STS: variants seen among roughly 807,000 people sequenced by gnomAD.
STS encodes the protein steryl-sulfatase.
A neutral mutation model predicts 26.8 loss-of-function variants in STS; 7 were observed. That is an observed-to-expected ratio of 0.26 (90% CI 0.15 to 0.49). The LOEUF is 0.49. Ranked by LOEUF, STS falls within the 20% of genes least tolerant of loss-of-function variation. The pLI is 0.98. For missense variants in STS, 434 were observed against 465.6 expected (o/e 0.93, Z 0.63); for synonymous variants, 199 against 189.4 (o/e 1.05, Z -0.42).
chrX:7,216,928 A>G (rs1246893209), intron 2 of STS, among the ~76,000 whole-genome samples: 2 of 111,459 alleles, frequency 1.8e-5, no homozygotes, highest in African/African-American at 6.5e-5. Flanking sequence ...GATAAAGCAC[A>G]GTAAGGAAGA....
At chrX:7,275,562 CAAAG>C (rs1255409221) in intron 6 of STS, among the ~76,000 whole-genome samples, 1 of 111,068 alleles carries the variant, frequency 9.0e-6, no homozygotes. Context: ...ATTTTTTTCC[CAAAG>C]AAATACTATT....
rs3077768 is a variant in STS at position 7,240,465 on chromosome X, G to GCACA, written c.-4-12714_-4-12711dup. On this transcript the variant is annotated intron_variant, in intron 2 of 10. Transcript: ENST00000674429. ...TGAATCTTCTCCAAGGAGCGCGCGC[G>GCACA]CACACACACACACACACACAGATAT... Among the ~76,000 whole-genome samples, 7 of 85,135 alleles carry GCACA rather than the reference G, an allele frequency of 8.2e-5. No homozygotes were observed. In the South Asian group the frequency reaches 4.9e-3, roughly 59 times the overall value. The allele number at this position is 85,135 out of a possible 115,157, so 73.9% of individuals were successfully genotyped here. A position where few individuals can be genotyped will look rare whatever the true frequency, so the allele number is the denominator to read the frequency against.
intron 10 of STS, among the ~76,000 whole-genome samples, chrX:7,345,072 G>A (rs1928464293): frequency 9.0e-6 from 1 of 111,077 alleles, no homozygotes; most frequent in African/African-American, 3.3e-5. Context: ...GGGCCCTTGG[G>A]ATAAAGACAG....
chrX:7,169,856 A>G (rs1933429162), intron 1 of STS, among the ~76,000 whole-genome samples: 1 of 104,126 alleles, frequency 9.6e-6, no homozygotes, highest in Non-Finnish European at 2.0e-5. Context: ...TAAGTCTAGA[A>G]AAACTCATTA....
chrX:7,292,966 G>A (rs1211666023), intron 7 of STS, among the ~76,000 whole-genome samples: 2 of 111,492 alleles, frequency 1.8e-5, no homozygotes, highest in African/African-American at 3.3e-5. Context: ...GCATGGTACT[G>A]GTACCACACT....
chrX:7,259,895 A>C, intron 6 of STS, 123 bp downstream of exon 6: 1 of 915,612 alleles, frequency 1.1e-6, no homozygotes, highest in African/African-American at 1.9e-5. Flanking sequence ...CGTTTTTTTG[A>C]GACAGAGTCT....
intron 1 of STS, among the ~76,000 whole-genome samples, chrX:7,170,982 GTC>G (rs1933455772): frequency 9.0e-6 from 1 of 111,527 alleles, no homozygotes; most frequent in Admixed American, 9.5e-5. Flanking sequence ...TGGCTGGGCA[GTC>G]TCTGCCCATC....
In STS at chrX:7,187,351, C is replaced by T. The variant is rs1032519663; in HGVS notation, c.-133-3529C>T. On this transcript the variant is annotated intron_variant, in intron 1 of 10. Transcript: ENST00000674429. Reference sequence around the variant, plus strand: ...CTACATGGAATGTTCTGGAAGCTTTCACGAGAAAGTAGGATAAATGACTCA... The same window carrying T: ...CTACATGGAATGTTCTGGAAGCTTTTACGAGAAAGTAGGATAAATGACTCA... Among the ~76,000 whole-genome samples the T allele has an allele frequency of 8.9e-5, 10 of 112,077 alleles. No homozygotes were observed. The South Asian group carries it at 2.6e-3, about 29-fold the overall frequency.
chrX:7,265,632 A>AT (rs1465933191), intron 6 of STS, among the ~76,000 whole-genome samples: 1 of 111,627 alleles, frequency 9.0e-6, no homozygotes, highest in African/African-American at 3.3e-5. Flanking sequence ...CAACAAAAGG[A>AT]TTTTTTCTTT....
chrX:7,171,994 G>A (rs1933477143), intron 1 of STS, among the ~76,000 whole-genome samples: 1 of 111,738 alleles, frequency 8.9e-6, no homozygotes, highest in Non-Finnish European at 1.9e-5. Flanking sequence ...TTACCAAGTT[G>A]CGCGATCATC....
intron 2 of STS, among the ~76,000 whole-genome samples, chrX:7,226,273 T>A (rs1921800637): frequency 8.9e-6 from 1 of 112,092 alleles, no homozygotes; most frequent in Non-Finnish European, 1.9e-5. Flanking sequence ...GTCTCACCTC[T>A]TTCACTCAAC....
intron 2 of STS, among the ~76,000 whole-genome samples, chrX:7,208,321 G>A (rs1169631733): frequency 2.7e-5 from 3 of 112,110 alleles, no homozygotes; most frequent in African/African-American, 9.7e-5. Flanking sequence ...GCATATGATA[G>A]TCTATACTCA....
At chrX:7,345,466 C>T (rs1229396993) in intron 10 of STS, among the ~76,000 whole-genome samples, 3 of 111,446 alleles carry the variant, frequency 2.7e-5, no homozygotes, top group Admixed American at 1.9e-4. Flanking sequence ...GGTGATTACC[C>T]TTATCTTGTC....
At position 7,227,448 on chromosome X, in the gene STS, GT is replaced by G. The variant is rs34307828; in HGVS notation, c.-4-25733del. Among the ~76,000 whole-genome samples the G allele has an allele frequency of 6.3e-3, 577 of 91,886 alleles. 5 individuals carry two copies. The highest frequency in any genetic ancestry group is 0.019 in the African/African-American group (487 of 25,054). 79.8% of individuals were successfully genotyped at this position (91,886 alleles called of 115,157 possible). A position where few individuals can be genotyped will look rare whatever the true frequency, so the allele number is the denominator to read the frequency against. ...CTCTATTAGCCTTGTTCAAATCGTT[GT>G]TTTTTTTTTTTTTTATAAAAGCAAG... On this transcript the variant is annotated intron_variant, in intron 2 of 10. Coordinates refer to ENST00000674429, the MANE Select transcript of STS (RefSeq NM_001320752.2).
chrX:7,280,428 T>G (rs5934904), intron 7 of STS, among the ~76,000 whole-genome samples: 1 of 110,741 alleles, frequency 9.0e-6, no homozygotes. Flanking sequence ...GTGGAATTCT[T>G]TGGGCAATCA....
intron 2 of STS, among the ~76,000 whole-genome samples, chrX:7,214,120 G>A (rs1013283239): frequency 1.8e-5 from 2 of 111,691 alleles, no homozygotes; most frequent in Admixed American, 1.9e-4. Context: ...TGTATTAATT[G>A]TCATCATCAT....
chrX:7,255,746 G>A (rs1177865416), intron 3 of STS, among the ~76,000 whole-genome samples: 1 of 112,197 alleles, frequency 8.9e-6, no homozygotes, highest in Non-Finnish European at 1.9e-5. Context: ...TGTCTTCTAA[G>A]CATCTCACCC....
intron 9 of STS, among the ~76,000 whole-genome samples, chrX:7,327,060 G>A (rs1927512378): frequency 8.9e-6 from 1 of 111,784 alleles, no homozygotes; most frequent in African/African-American, 3.2e-5. Flanking sequence ...ATTGAGCGAC[G>A]CTTATTATAT....
intron 2 of STS, among the ~76,000 whole-genome samples, chrX:7,214,973 T>TAC (rs1921197729): frequency 1.6e-5 from 1 of 63,952 alleles, no homozygotes; most frequent in African/African-American, 5.6e-5. Context: ...ATTATATATG[T>TAC]ATATATACAT....
Sources: allele counts gnomAD v4.1 joint callset (sites outside exome capture counted in the v4.1 genomes callset), GRCh38; gene constraint gnomAD v4.1.1; transcripts MANE v1.5; gene names NCBI Gene and HGNC (gene_info 2026-07-23, HGNC 2026-07-21).